ROBO1: variants seen among roughly 807,000 people sequenced by gnomAD.
ROBO1 encodes the protein roundabout guidance receptor 1, also known as roundabout homolog 1.
Under a neutral mutation model 195.9 loss-of-function variants are expected in ROBO1, and 149 were observed. The ratio of observed to expected loss-of-function variants is 0.76; its 90% CI spans 0.67 to 0.87. The LOEUF (loss-of-function observed/expected upper bound fraction) is 0.87, where lower values mean the gene tolerates loss of function less well. ROBO1 is among the 40% of genes least tolerant of loss of function. The pLI is 0.00. For missense variants in ROBO1, 1,933 were observed against 2,068.3 expected (o/e 0.93, Z 1.27); for synonymous variants, 816 against 733.2 (o/e 1.11, Z -1.82).
intron 4 of ROBO1, among the ~76,000 whole-genome samples, chr3:78,858,360 C>T (rs1415264394): frequency 6.6e-6 from 1 of 152,006 alleles, no homozygotes; most frequent in Non-Finnish European, 1.5e-5. Flanking sequence ...ATGCTGTCAC[C>T]TAAACTGCTG....
chr3:79,483,504 A>G (rs1473153997), intron 2 of ROBO1, among the ~76,000 whole-genome samples: 1 of 152,212 alleles, frequency 6.6e-6, no homozygotes, highest in Non-Finnish European at 1.5e-5. Flanking sequence ...TTAGGCGATT[A>G]AGTCCTGGGA....
intron 2 of ROBO1, among the ~76,000 whole-genome samples, chr3:79,156,700 T>C (rs1559699956): frequency 6.6e-6 from 1 of 151,886 alleles, no homozygotes; most frequent in African/African-American, 2.4e-5. Flanking sequence ...GCACAAAAAA[T>C]CTAAATAAAT....
chr3:78,751,758 T>C (rs1292941297), intron 4 of ROBO1, among the ~76,000 whole-genome samples: 1 of 152,188 alleles, frequency 6.6e-6, no homozygotes, highest in African/African-American at 2.4e-5. Context: ...GAATTAGATT[T>C]CATTATTCAT....
At chr3:79,200,694 G>A (rs1049637879) in intron 2 of ROBO1, among the ~76,000 whole-genome samples, 6 of 151,774 alleles carry the variant, frequency 4.0e-5, no homozygotes, top group African/African-American at 1.2e-4. Flanking sequence ...AGAATGGCAC[G>A]TACTCTAATG....
chr3:78,755,745 T>C (rs2082913248), intron 4 of ROBO1, among the ~76,000 whole-genome samples: 1 of 152,136 alleles, frequency 6.6e-6, no homozygotes. Flanking sequence ...AGGTAGACAA[T>C]ATATAAGTAA....
chr3:78,955,429 G>A (rs2041000146), intron 3 of ROBO1, among the ~76,000 whole-genome samples: 1 of 151,966 alleles, frequency 6.6e-6, no homozygotes, highest in Non-Finnish European at 1.5e-5. Context: ...TGTTCTCATT[G>A]TAAAACCATG....
intron 3 of ROBO1, among the ~76,000 whole-genome samples, chr3:78,956,996 G>A (rs926521824): frequency 2.0e-5 from 3 of 152,132 alleles, no homozygotes; most frequent in African/African-American, 7.2e-5. Flanking sequence ...AAGAGACACA[G>A]AAGAAAGGTC....
In ROBO1 at chr3:78,614,786, G is replaced by A. The variant is rs1704012779; in HGVS notation, c.4297C>T (p.His1433Tyr). Reference sequence around the variant, plus strand: ...GTGGGCCTAGGGCACTGAGACGCATGAAAATGTCGACGGCCTAAGGAGAAA... The same window carrying A: ...GTGGGCCTAGGGCACTGAGACGCATAAAAATGTCGACGGCCTAAGGAGAAA... ...MQDAAGRRHF[H>Y]ASQCPRPTSP... is the part of the protein sequence containing the mutation. Residue 1433 changes from histidine (H) to tyrosine (Y), a missense_variant, in exon 28 of 31, where the codon CAT becomes TAT. Coordinates refer to ENST00000464233, the MANE Select transcript of ROBO1 (RefSeq NM_002941.4). 5 of 1,603,490 alleles carry A rather than the reference G, an allele frequency of 3.1e-6. No individual in the cohort carries two copies. The highest frequency in any genetic ancestry group is 3.4e-6 in the Non-Finnish European group (4 of 1,176,000).
At chr3:78,952,581 A>C (rs2040846008) in intron 3 of ROBO1, among the ~76,000 whole-genome samples, 1 of 151,830 alleles carries the variant, frequency 6.6e-6, no homozygotes, top group Non-Finnish European at 1.5e-5. Flanking sequence ...AGAAGGCAGC[A>C]CCCATTAATT....
At chr3:79,374,777 A>T (rs2036325618) in intron 2 of ROBO1, among the ~76,000 whole-genome samples, 1 of 152,176 alleles carries the variant, frequency 6.6e-6, no homozygotes, top group Non-Finnish European at 1.5e-5. Context: ...ATTCAAAAAA[A>T]TTCTATATTC....
At chr3:79,006,294 C>A (rs2077619217) in intron 3 of ROBO1, among the ~76,000 whole-genome samples, 2 of 151,964 alleles carry the variant, frequency 1.3e-5, no homozygotes, top group Non-Finnish European at 2.9e-5. Flanking sequence ...GTTAAGTAAG[C>A]CATTATGTAA....
chr3:79,228,749 T>C (rs2082269658), intron 2 of ROBO1, among the ~76,000 whole-genome samples: 1 of 152,174 alleles, frequency 6.6e-6, no homozygotes, highest in African/African-American at 2.4e-5. Context: ...CTTACATTTC[T>C]TTGAGATAAA....
chr3:78,757,906 C>T (rs2082980420), intron 4 of ROBO1, among the ~76,000 whole-genome samples: 1 of 152,152 alleles, frequency 6.6e-6, no homozygotes, highest in African/African-American at 2.4e-5. Flanking sequence ...CTTGTATCTT[C>T]CCCTATCAGA....
intron 4 of ROBO1, among the ~76,000 whole-genome samples, chr3:78,778,246 T>C (rs1576146813): frequency 2.0e-5 from 3 of 152,224 alleles, no homozygotes; most frequent in African/African-American, 4.8e-5. Flanking sequence ...CAGTATTTTA[T>C]AGAGGATTTT....
intron 2 of ROBO1, among the ~76,000 whole-genome samples, chr3:79,502,916 GA>G (rs1940179607): frequency 6.6e-6 from 1 of 151,996 alleles, no homozygotes; most frequent in African/African-American, 2.4e-5. Flanking sequence ...AGCACCCTGT[GA>G]AAACGGACCA....
chr3:79,077,870 C>T (rs1006841626), intron 3 of ROBO1, among the ~76,000 whole-genome samples: 5 of 151,746 alleles, frequency 3.3e-5, no homozygotes, highest in Non-Finnish European at 7.4e-5. Flanking sequence ...TAAGTACTCA[C>T]GTTTTAAGAT....
At chr3:79,138,033 A>C (rs1303011902) in intron 2 of ROBO1, among the ~76,000 whole-genome samples, 1 of 152,118 alleles carries the variant, frequency 6.6e-6, no homozygotes, top group Non-Finnish European at 1.5e-5. Context: ...AATACACAAT[A>C]AAAAATTATT....
intron 4 of ROBO1, among the ~76,000 whole-genome samples, chr3:78,781,139 A>G (rs2083665167): frequency 6.6e-6 from 1 of 152,152 alleles, no homozygotes; most frequent in Non-Finnish European, 1.5e-5. Context: ...CAGCACAGTA[A>G]CCACTTTTTG....
intron 4 of ROBO1, chr3:78,938,002 T>TGTGTGTGA (rs1426802582): frequency 4.8e-5 from 7 of 146,890 alleles, no homozygotes; most frequent in African/African-American, 1.4e-4. Flanking sequence ...TGTGTGTGTG[T>TGTGTGTGA]GTGTGTGTGT....
Sources: gnomAD v4.1 joint callset for allele counts (sites outside exome capture counted in the v4.1 genomes callset) on GRCh38, gnomAD v4.1.1 for gene constraint, MANE v1.5 for transcripts, NCBI Gene and HGNC (gene_info 2026-07-23, HGNC 2026-07-21) for gene names.